Variants in FREM2 observed in about 807,000 individuals in gnomAD.
The protein encoded by FREM2 is FRAS1 related extracellular matrix 2.
FREM2 carries 119 observed loss-of-function variants against 219.9 expected under a neutral mutation model. The ratio of observed to expected loss-of-function variants is 0.54; its 90% CI spans 0.47 to 0.63. The LOEUF is 0.63. Ranked by LOEUF, FREM2 falls within the 30% of genes least tolerant of loss-of-function variation. The pLI, the probability that FREM2 is intolerant of heterozygous loss-of-function variation, is 0.00. For synonymous variants in FREM2, 1,562 were observed against 1,522.8 expected (o/e 1.03, Z -0.60); for missense variants, 4,030 against 3,993.6 (o/e 1.01, Z -0.25).
intron 16 of FREM2, among the ~76,000 whole-genome samples, chr13:38,869,589 G>A (rs1227577925): frequency 6.6e-6 from 1 of 152,098 alleles, no homozygotes; most frequent in African/African-American, 2.4e-5. Context: ...AACAAATTTG[G>A]AATTTCTCTA....
At chr13:38,725,461 C>T (rs777753591) in intron 2 of FREM2, among the ~76,000 whole-genome samples, 3 of 152,100 alleles carry the variant, frequency 2.0e-5, no homozygotes, top group Non-Finnish European at 4.4e-5. Context: ...TCAAAGAAAG[C>T]GCCAGTTATG....
At chr13:38,813,762 ATAT>A (rs1875640123) in intron 6 of FREM2, among the ~76,000 whole-genome samples, 1 of 150,986 alleles carries the variant, frequency 6.6e-6, no homozygotes, top group Admixed American at 6.6e-5. Context: ...AAGTTCTCTG[ATAT>A]TATCCCTTTG....
chr13:38,867,765 GAGAA>G (rs1166812172), intron 16 of FREM2, among the ~76,000 whole-genome samples: 2 of 152,326 alleles, frequency 1.3e-5, no homozygotes, highest in East Asian at 3.9e-4. Context: ...TCCCAGCTCC[GAGAA>G]AGAGAGAGAG....
intron 6 of FREM2, among the ~76,000 whole-genome samples, chr13:38,825,195 G>A (rs1477072476): frequency 6.6e-6 from 1 of 151,836 alleles, no homozygotes; most frequent in African/African-American, 2.4e-5. Flanking sequence ...GTTTGTTTTC[G>A]GTTTTAACTT....
At chr13:38,800,484 C>T (rs1037014085) in intron 6 of FREM2, among the ~76,000 whole-genome samples, 6 of 152,042 alleles carry the variant, frequency 3.9e-5, no homozygotes, top group African/African-American at 1.4e-4. Context: ...GTTTTAGGAT[C>T]CTTTTTTGCT....
At chr13:38,693,895 G>A (rs967501910) in intron 1 of FREM2, among the ~76,000 whole-genome samples, 1 of 152,156 alleles carries the variant, frequency 6.6e-6, no homozygotes, top group Non-Finnish European at 1.5e-5. Context: ...TGTCATGCCA[G>A]ACCAGTAGGA....
chr13:38,851,392 C>G (rs1186196682), intron 10 of FREM2, among the ~76,000 whole-genome samples: 1 of 152,200 alleles, frequency 6.6e-6, no homozygotes, highest in Non-Finnish European at 1.5e-5. Context: ...GGGGGACCAA[C>G]AGTTTCCTCC....
At chr13:38,842,389 T>G (rs191016788) in intron 6 of FREM2, among the ~76,000 whole-genome samples, 8 of 152,084 alleles carry the variant, frequency 5.3e-5, no homozygotes, top group Non-Finnish European at 1.0e-4. Flanking sequence ...GCTGGATTAG[T>G]GGAAATGAGA....
rs1301888422 is a variant in FREM2 at position 38,881,738 on chromosome 13, G to A, written c.*951G>A. ...GTTACAGATGGTGAAGGGAGAAAGT[G>A]GTATTTATTAATATAATGTGTATAA... On this transcript the variant is annotated 3_prime_UTR_variant, in exon 24 of 24. Coordinates refer to ENST00000280481, the MANE Select transcript of FREM2 (RefSeq NM_207361.6). 2.0e-5 allele frequency: 3 copies of A among 152,378 alleles called. No homozygotes were observed. The highest frequency in any genetic ancestry group is 4.4e-5 in the Non-Finnish European group (3 of 67,992). The allele number at this position is 152,378 out of a possible 1,614,324, so 9.4% of individuals were successfully genotyped here.
chr13:38,824,623 T>C (rs1442899524), intron 6 of FREM2, among the ~76,000 whole-genome samples: 1 of 151,848 alleles, frequency 6.6e-6, no homozygotes, highest in African/African-American at 2.4e-5. Flanking sequence ...GATGAAATCA[T>C]AGGGAATTGA....
intron 2 of FREM2, among the ~76,000 whole-genome samples, chr13:38,722,477 CT>C (rs201233360): frequency 3.3e-5 from 5 of 150,980 alleles, no homozygotes; most frequent in Admixed American, 1.3e-4. Flanking sequence ...CATCTGACCT[CT>C]TTTTTTTTAG....
At chr13:38,857,136 G>T (rs1161869387) in intron 12 of FREM2, among the ~76,000 whole-genome samples, 2 of 152,062 alleles carry the variant, frequency 1.3e-5, no homozygotes, top group Non-Finnish European at 2.9e-5. Flanking sequence ...TTATGGAGTA[G>T]CGTATGAAAT....
chr13:38,832,063 C>T (rs1211614130), intron 6 of FREM2, among the ~76,000 whole-genome samples: 1 of 152,014 alleles, frequency 6.6e-6, no homozygotes, highest in Non-Finnish European at 1.5e-5. Flanking sequence ...GCCTGTAATC[C>T]TACCTGTCTT....
intron 16 of FREM2, among the ~76,000 whole-genome samples, chr13:38,870,760 C>T (rs1321982519): frequency 1.3e-5 from 2 of 152,094 alleles, no homozygotes; most frequent in Non-Finnish European, 2.9e-5. Context: ...AAAATCAAAT[C>T]AGAATTAGTT....
chr13:38,707,294 T>G (rs1194815715), intron 2 of FREM2, among the ~76,000 whole-genome samples: 1 of 152,246 alleles, frequency 6.6e-6, no homozygotes, highest in Non-Finnish European at 1.5e-5. Flanking sequence ...TTCATTTTTT[T>G]GCAGAGTATT....
At chr13:38,736,862 C>A (rs935293119) in intron 2 of FREM2, among the ~76,000 whole-genome samples, 3 of 68,764 alleles carry the variant, frequency 4.4e-5, no homozygotes, top group Non-Finnish European at 9.7e-5. Context: ...AAATGCAAAC[C>A]GTTTGTTTTT....
At chr13:38,829,322 A>G (rs1876418090) in intron 6 of FREM2, among the ~76,000 whole-genome samples, 1 of 152,144 alleles carries the variant, frequency 6.6e-6, no homozygotes, top group African/African-American at 2.4e-5. Flanking sequence ...TCTGTATCAT[A>G]TCCCGTAGTA....
At chr13:38,784,069 G>A (rs1477822541) in intron 5 of FREM2, among the ~76,000 whole-genome samples, 9 of 152,198 alleles carry the variant, frequency 5.9e-5, no homozygotes, top group East Asian at 3.8e-4. Flanking sequence ...ATTGCATTCC[G>A]GCCTGGGCAA....
intron 2 of FREM2, among the ~76,000 whole-genome samples, chr13:38,763,269 T>C (rs902132719): frequency 6.6e-6 from 1 of 152,208 alleles, no homozygotes; most frequent in Non-Finnish European, 1.5e-5. Context: ...CTGCAGTTTT[T>C]ATTTTTTAAA....
Sources: gnomAD v4.1 joint callset for allele counts (sites outside exome capture counted in the v4.1 genomes callset) on GRCh38, gnomAD v4.1.1 for gene constraint, MANE v1.5 for transcripts, NCBI Gene and HGNC (gene_info 2026-07-23, HGNC 2026-07-21) for gene names.